Variants in SEMA6A observed in about 807,000 individuals in gnomAD.
The protein encoded by SEMA6A is semaphorin-6A.
SEMA6A carries 25 observed loss-of-function variants against 96.8 expected under a neutral mutation model. The ratio of observed to expected loss-of-function variants is 0.26; its 90% CI spans 0.19 to 0.36. The LOEUF (loss-of-function observed/expected upper bound fraction) is 0.36. Ranked by LOEUF, SEMA6A falls within the 10% of genes least tolerant of loss-of-function variation. The probability of loss-of-function intolerance (pLI) is 1.00; values close to 1 mark genes in which losing one functional copy is unlikely to be tolerated. For missense variants in SEMA6A, 1,363 were observed against 1,323.1 expected (o/e 1.03, Z -0.47); for synonymous variants, 612 against 518.0 (o/e 1.18, Z -2.46).
intron 1 of SEMA6A, among the ~76,000 whole-genome samples, chr5:116,567,946 A>G (rs530177566): frequency 6.6e-6 from 1 of 152,354 alleles, no homozygotes; most frequent in South Asian, 2.1e-4. Context: ...TGCCTGATTT[A>G]ATGATAATGT....
At chr5:116,456,854 C>A (rs1755040429) in intron 18 of SEMA6A, among the ~76,000 whole-genome samples, 1 of 152,176 alleles carries the variant, frequency 6.6e-6, no homozygotes, top group African/African-American at 2.4e-5. Context: ...ACTCAACTTA[C>A]AGCTATTAAG....
At chr5:116,570,615 C>T (rs1265496451) in intron 1 of SEMA6A, among the ~76,000 whole-genome samples, 1 of 152,154 alleles carries the variant, frequency 6.6e-6, no homozygotes, top group Non-Finnish European at 1.5e-5. Context: ...TCTGTGATTC[C>T]TTCCTGCAAA....
chr5:116,530,230 C>A (rs1355514573), intron 1 of SEMA6A, among the ~76,000 whole-genome samples: 2 of 152,214 alleles, frequency 1.3e-5, no homozygotes, highest in African/African-American at 4.8e-5. Flanking sequence ...TTCATGCCAA[C>A]ATAAAAAGGC....
chr5:116,551,637 T>G (rs1272026592), intron 1 of SEMA6A, among the ~76,000 whole-genome samples: 1 of 152,112 alleles, frequency 6.6e-6, no homozygotes, highest in Non-Finnish European at 1.5e-5. Context: ...GGCACTGGCT[T>G]CTCTGCAGGT....
chr5:116,518,654 T>C (rs373850656), intron 1 of SEMA6A, among the ~76,000 whole-genome samples: 1 of 152,212 alleles, frequency 6.6e-6, no homozygotes, highest in Non-Finnish European at 1.5e-5. Flanking sequence ...CACTCTAGCA[T>C]AGCACAAGGA....
chr5:116,565,930 G>A (rs943148610), intron 1 of SEMA6A, among the ~76,000 whole-genome samples: 3 of 152,088 alleles, frequency 2.0e-5, no homozygotes, highest in East Asian at 3.9e-4. Flanking sequence ...GGGAGGGGCG[G>A]GGAAGTGCTG....
intron 17 of SEMA6A, among the ~76,000 whole-genome samples, chr5:116,471,035 G>T (rs1382127526): frequency 6.6e-6 from 1 of 152,148 alleles, no homozygotes; most frequent in Admixed American, 6.5e-5. Flanking sequence ...CCTTGCAATG[G>T]TTTATTTTAA....
intron 1 of SEMA6A, among the ~76,000 whole-genome samples, chr5:116,511,445 G>A (rs1758398327): frequency 6.6e-6 from 1 of 152,124 alleles, no homozygotes; most frequent in Non-Finnish European, 1.5e-5. Context: ...AAAACTCAAA[G>A]CCAGGTCTGT....
At chr5:116,482,313 A>T in intron 11 of SEMA6A, 131 bp downstream of exon 11, 1 of 950,190 alleles carries the variant, frequency 1.1e-6, no homozygotes, top group Non-Finnish European at 1.6e-6. Context: ...GGTTTTGGTT[A>T]ATGAGATGAA....
At chr5:116,567,748 A>T (rs941537158) in intron 1 of SEMA6A, among the ~76,000 whole-genome samples, 1 of 152,216 alleles carries the variant, frequency 6.6e-6, no homozygotes, top group Non-Finnish European at 1.5e-5. Context: ...CTTCACATTT[A>T]TTAACCTCAC....
intron 18 of SEMA6A, among the ~76,000 whole-genome samples, chr5:116,466,208 T>TAA (rs11322633): frequency 6.8e-6 from 1 of 146,476 alleles, no homozygotes; most frequent in East Asian, 2.0e-4. Flanking sequence ...CTGTCACTAC[T>TAA]AAAAAAAAAA....
chr5:116,487,938 A>C (rs1757138896), intron 9 of SEMA6A, among the ~76,000 whole-genome samples, 170 bp downstream of exon 9: 1 of 152,182 alleles, frequency 6.6e-6, no homozygotes, highest in Non-Finnish European at 1.5e-5. Context: ...ATACTTAAGA[A>C]ATTTCCTGCG....
At chr5:116,539,521 A>G (rs1453271738) in intron 1 of SEMA6A, among the ~76,000 whole-genome samples, 1 of 152,144 alleles carries the variant, frequency 6.6e-6, no homozygotes, top group African/African-American at 2.4e-5. Context: ...TGTACTCCTG[A>G]GAAATGGCTC....
chr5:116,496,814 G>A (rs900971229), intron 4 of SEMA6A, among the ~76,000 whole-genome samples: 2 of 152,082 alleles, frequency 1.3e-5, no homozygotes, highest in Non-Finnish European at 2.9e-5. Context: ...TGGACTGAAG[G>A]GATCTTCTAC....
chr5:116,491,979 G>T (rs1041485788), intron 6 of SEMA6A, 149 bp from the exon 7 acceptor site: 1 of 639,402 alleles, frequency 1.6e-6, no homozygotes. Context: ...AACTGTAGTT[G>T]AGAATCACAT....
Position 116,491,741 on chromosome 5 carries a change from T to C in SEMA6A, c.534A>G (p.Ala178=), listed in dbSNP as rs755212132. ...ACGAGGAGAAATCAGGTCGCTTACC[T>C]GCAAACAGTGCAACGTTGGCATGTT... ...DAKHANVALF[A]DGKLYSATVT... Residue 178 remains alanine, a splice_region_variant and synonymous_variant, in exon 7 of 19, where the codon GCA becomes GCG. Transcript: ENST00000343348. The C allele has an allele frequency of 1.9e-6, 3 of 1,612,806 alleles. No individual in the cohort carries two copies. The highest frequency in any genetic ancestry group is 2.5e-6 in the Non-Finnish European group (3 of 1,178,980).
In SEMA6A at chr5:116,446,807, C is replaced by T; in HGVS notation, c.2899G>A (p.Asp967Asn). The T allele has an allele frequency of 6.2e-7, 1 of 1,613,388 alleles. No individual in the cohort carries two copies. The highest frequency in any genetic ancestry group is 1.3e-5 in the African/African-American group (1 of 75,030). ...TGGGAGCTGTGCACCTGGATGGAGT[C>T]CACCCTCTGCGGGGCGGGCGGCGGG... ...DNPPPAPQRVDSIQVHSSQPS... is the reference protein window; with the variant it reads ...DNPPPAPQRVNSIQVHSSQPS... The change falls in exon 19 of 19, where the codon GAC becomes AAC. Residue 967 changes from aspartate to asparagine, a missense_variant. Around this residue, in one of 2 missense-constraint regions of SEMA6A, gnomAD observed 883 missense variants for 763.6 expected, o/e 1.16. Coordinates refer to ENST00000343348, the MANE Select transcript of SEMA6A (RefSeq NM_020796.5).
chr5:116,477,786 A>T (rs917402043), intron 15 of SEMA6A, 60 bp downstream of exon 15: 3 of 1,534,504 alleles, frequency 2.0e-6, no homozygotes, highest in African/African-American at 1.4e-5. Context: ...CAAATCTTAC[A>T]TCTAGAATAC....
At chr5:116,480,897 C>T (rs1488361907) in intron 11 of SEMA6A, among the ~76,000 whole-genome samples, 3 of 152,172 alleles carry the variant, frequency 2.0e-5, no homozygotes, top group Non-Finnish European at 2.9e-5. Flanking sequence ...CATTGAATGA[C>T]GACCATAAAA....
Sources: gnomAD v4.1 joint callset for allele counts (sites outside exome capture counted in the v4.1 genomes callset) on GRCh38, gnomAD v4.1.1 for gene constraint, gnomAD v4.1.1 regional missense constraint, MANE v1.5 for transcripts, NCBI Gene and HGNC (gene_info 2026-07-23, HGNC 2026-07-21) for gene names.